The following SETD4 variants were observed in gnomAD, a reference collection of about 807,000 sequenced individuals.
SETD4 encodes the protein SET domain containing 4, also known as SET domain-containing protein 4.
SETD4 carries 46 observed loss-of-function variants against 58.3 expected under a neutral mutation model. That is an observed-to-expected ratio of 0.79 (90% CI 0.62 to 1.01). The LOEUF (loss-of-function observed/expected upper bound fraction) is 1.01. SETD4 is among the 50% of genes least tolerant of loss of function. The pLI, the probability that SETD4 is intolerant of heterozygous loss-of-function variation, is 0.00. For synonymous variants in SETD4, 190 were observed against 202.6 expected, an observed-to-expected ratio of 0.94 and a Z score of 0.53; for missense variants, 490 against 523.3, an observed-to-expected ratio of 0.94 and a Z score of 0.62.
rs749690138 is a variant in SETD4 at position 36,057,125 on chromosome 21, C to T, written c.153G>A (p.Ala51=). 3.7e-6 allele frequency: 6 copies of T among 1,614,076 alleles called. No individual in the cohort carries two copies. The highest frequency in any genetic ancestry group is 2.2e-5 in the East Asian group (1 of 44,882). ...KARKFQDSNL[A]PACFPGTGRG... ...AGATCTTACCTGGAAAACAAGCAGG[C>T]GCTAAGTTTGAATCTTGAAACTTCC... Residue 51 remains alanine, a synonymous_variant, in exon 3 of 12, where the codon GCG becomes GCA. Transcript: ENST00000332131.
chr21:36,055,640 G>A (rs567281709), intron 3 of SETD4, among the ~76,000 whole-genome samples: 1 of 152,160 alleles, frequency 6.6e-6, no homozygotes, highest in East Asian at 1.9e-4. Context: ...CACTGATTAA[G>A]AGCTAAAAAC....
Position 36,057,130 on chromosome 21 carries a change from A to G in SETD4, c.148T>C (p.Leu50=). Residue 50 remains leucine (L), a synonymous_variant, in exon 3 of 12, where the codon TTA becomes CTA. Transcript: ENST00000332131. ...TTACCTGGAAAACAAGCAGGCGCTA[A>G]GTTTGAATCTTGAAACTTCCTAGCT... The part of the protein sequence containing the change: ...LKARKFQDSN[L]APACFPGTGR... The G allele has an allele frequency of 6.2e-7, 1 of 1,614,192 alleles. No individual in the cohort carries two copies. The highest frequency in any genetic ancestry group is 8.5e-7 in the Non-Finnish European group (1 of 1,180,002).
At position 36,041,789 on chromosome 21, in the gene SETD4, G is replaced by GGAAAGA. The variant is rs1275802054; in HGVS notation, c.983+12_983+17dup. On this transcript the variant is annotated intron_variant, in intron 8 of 11. Transcript: ENST00000332131. Reference sequence around the variant, plus strand: ...TTTCCTAAAGGAATAATTTTAAGAGGGAAAGAGAAACACTTACTCTATATA... The same window carrying GGAAAGA: ...TTTCCTAAAGGAATAATTTTAAGAGGGAAAGAGAAAGAGAAACACTTACTCTATATA... 6.9e-7 allele frequency: 1 copy of GGAAAGA among 1,443,586 alleles called. No individual in the cohort carries two copies. Among genetic ancestry groups the GGAAAGA allele is most frequent in the African/African-American group, 1.4e-5 (1 of 69,152 alleles). 89.4% of individuals were successfully genotyped at this position (1,443,586 alleles called of 1,614,324 possible).
chr21:36,045,908 G>GTAAAA lies in SETD4; in HGVS notation c.395_399dup (p.Pro134PhefsTer17). 1.2e-6 allele frequency: 2 copies of GTAAAA among 1,614,196 alleles called. No individual in the cohort carries two copies. The highest frequency in any genetic ancestry group is 8.5e-7 in the Non-Finnish European group (1 of 1,180,034). On this transcript the variant is annotated frameshift_variant, in exon 6 of 12. Coordinates refer to ENST00000332131, the MANE Select transcript of SETD4 (RefSeq NM_017438.5). LOFTEE classifies it high-confidence loss of function. ...CAAACAGGGCAGGTATACGCCTTGG[G>GTAAAA]TAAAATCTCCAGGTAAGGCTTCCAA...
At chr21:36,051,309 A>G in intron 4 of SETD4, 2 of 1,591,628 alleles carry the variant, frequency 1.3e-6, no homozygotes, top group Non-Finnish European at 1.7e-6. Flanking sequence ...GCTGCTCACC[A>G]AACTCCCAGG....
Position 36,058,518 on chromosome 21 carries a change from AAAAG to A in SETD4, c.73+294_73+297del, listed in dbSNP as rs1568943705. Among the ~76,000 whole-genome samples the A allele has an allele frequency of 3.3e-4, 46 of 137,460 alleles. 2 individuals are homozygous for A. Among genetic ancestry groups the A allele is most frequent in the Admixed American group, 6.9e-4 (9 of 13,130 alleles). 90.2% of individuals were successfully genotyped at this position (137,460 alleles called of 152,430 possible). A position where few individuals can be genotyped will look rare whatever the true frequency, so the allele number is the denominator to read the frequency against. On this transcript the variant is annotated intron_variant, in intron 2 of 11. Transcript: ENST00000332131. ...GTACCTTGTCTCCAAAAAAAAAAAA[AAAAG>A]AAAGATTCTCTTTGAACACTGTGTG... is the stretch of plus-strand genomic sequence containing the variant.
chr21:36,038,239 T>C lies in SETD4; in HGVS notation c.1099A>G (p.Ile367Val), dbSNP rs766130236. ...CTTGTCTTCTCATTCGTATCTGAAA[T>C]TACCTCCCCAAGAAGTACTTTTTTC... ...CWKKVLLGEV[I>V]SDTNEKTSLD... Residue 367 changes from isoleucine (I) to valine (V), a missense_variant, in exon 10 of 12, where the codon ATT (isoleucine) becomes GTT (valine). Transcript: ENST00000332131. 6.8e-6 allele frequency: 11 copies of C among 1,614,030 alleles called. No homozygotes were observed. Among genetic ancestry groups the C allele is most frequent in the Non-Finnish European group, 9.3e-6 (11 of 1,179,992 alleles).
intron 4 of SETD4, among the ~76,000 whole-genome samples, chr21:36,049,016 C>G (rs1362125121): frequency 3.3e-5 from 5 of 152,052 alleles, no homozygotes; most frequent in African/African-American, 9.7e-5. Flanking sequence ...TCCAAGTGGC[C>G]AGGTGATGGT....
chr21:36,038,250 A>G lies in SETD4; in HGVS notation c.1088T>C (p.Leu363Pro), dbSNP rs1447056920. ...EKFTCWKKVL[L>P]GEVISDTNEK... The stretch of plus-strand genomic sequence containing the variant: ...ATTCGTATCTGAAATTACCTCCCCA[A>G]GAAGTACTTTTTTCCAGCATGTACT... The change falls in exon 10 of 12, where the codon CTT becomes CCT. Residue 363 changes from leucine (L) to proline (P), a missense_variant. Leu to Pro is a moderately conservative substitution (Grantham distance 98, BLOSUM62 -3). Transcript: ENST00000332131. The G allele has an allele frequency of 1.9e-6, 3 of 1,613,426 alleles. No homozygotes were observed. Among genetic ancestry groups the G allele is most frequent in the Non-Finnish European group, 2.5e-6 (3 of 1,179,930 alleles).
At position 36,048,301 on chromosome 21, in the gene SETD4, CACTT is replaced by C. The variant is rs2064454135; in HGVS notation, c.296+3_296+6del. On this transcript the variant is annotated splice_donor_5th_base_variant and intron_variant, in intron 5 of 11. Transcript: ENST00000332131. ...TGCACCAGGTAAGCAAGTGTGTGGT[CACTT>C]ACTTAGTAATGTATGCCCCTAAGTA... 4.3e-6 allele frequency: 7 copies of C among 1,612,812 alleles called. No individual in the cohort carries two copies. The highest frequency in any genetic ancestry group is 5.9e-6 in the Non-Finnish European group (7 of 1,178,868).
intron 4 of SETD4, chr21:36,050,990 G>A (rs2064651002): frequency 1.9e-6 from 3 of 1,602,164 alleles, no homozygotes; most frequent in South Asian, 1.1e-5. Flanking sequence ...TCCTGGGGAT[G>A]GATGTGTGTG....
chr21:36,042,282 C>T (rs1190036939), intron 7 of SETD4: 4 of 153,664 alleles, frequency 2.6e-5, no homozygotes, highest in Non-Finnish European at 5.8e-5. Flanking sequence ...TCAAAGCAGT[C>T]TGGATATTAG....
chr21:36,036,804 A>ACTT, intron 10 of SETD4: 1 of 191,754 alleles, frequency 5.2e-6, no homozygotes, highest in Non-Finnish European at 9.6e-6. Flanking sequence ...ACAGATGAAT[A>ACTT]AAGAAAAAGT....
At chr21:36,057,381 C>A in intron 2 of SETD4, 177 bp from the exon 3 acceptor site, 1 of 724,788 alleles carries the variant, frequency 1.4e-6, no homozygotes, top group South Asian at 1.5e-5. Context: ...CGCAATGACT[C>A]ACTTCTGTAT....
At chr21:36,056,878 T>C (rs1405330986) in intron 3 of SETD4, among the ~76,000 whole-genome samples, 1 of 152,178 alleles carries the variant, frequency 6.6e-6, no homozygotes, top group African/African-American at 2.4e-5. Flanking sequence ...CTAACCTCCC[T>C]AATAAGCACA....
intron 3 of SETD4, 122 bp from the exon 4 acceptor site, chr21:36,053,742 T>C (rs1601278036): frequency 2.1e-6 from 2 of 955,140 alleles, no homozygotes; most frequent in South Asian, 1.5e-5. Flanking sequence ...TGGATGTCTC[T>C]CAGCCTTTGA....
At chr21:36,054,722 G>A (rs111255495) in intron 3 of SETD4, among the ~76,000 whole-genome samples, 56 of 151,238 alleles carry the variant, frequency 3.7e-4, no homozygotes, top group African/African-American at 1.2e-3. Context: ...TGATGCTCCC[G>A]GCTCATGGTG....
At position 36,043,921 on chromosome 21, in the gene SETD4, G is replaced by T. The variant is rs141938699; in HGVS notation, c.762C>A (p.Tyr254Ter). The T allele has an allele frequency of 1.6e-5, 26 of 1,613,974 alleles. No homozygotes were observed. In the South Asian group the frequency reaches 2.3e-4, roughly 14 times the overall value. ...TCCAACGTGAAGTCGTTCTAATTTC[G>T]TAAGAATGAGTTTCTTCATTAAACG... ...KAAFNEETHSYEIRTTSRWRK... is the reference protein window; with the variant it reads ...KAAFNEETHS Residue 254 changes from tyrosine to a stop codon, truncating the protein, a stop_gained, in exon 7 of 12, where the codon TAC (tyrosine) becomes TAA (stop). Coordinates refer to ENST00000332131, the MANE Select transcript of SETD4 (RefSeq NM_017438.5). LOFTEE classifies it high-confidence loss of function.
intron 10 of SETD4, 141 bp downstream of exon 10, chr21:36,038,009 A>G: frequency 9.5e-7 from 1 of 1,048,028 alleles, no homozygotes; most frequent in Non-Finnish European, 1.3e-6. Flanking sequence ...AGAAAACAAA[A>G]ATAGAGATTA....
Sources: allele counts gnomAD v4.1 joint callset (sites outside exome capture counted in the v4.1 genomes callset), GRCh38; gene constraint gnomAD v4.1.1; transcripts MANE v1.5; gene names NCBI Gene and HGNC (gene_info 2026-07-23, HGNC 2026-07-21).